Variants in ATRNL1 observed in about 807,000 individuals in gnomAD.
The protein encoded by ATRNL1 is attractin like 1, also known as attractin-like protein 1.
ATRNL1 carries 95 observed loss-of-function variants against 182.7 expected under a neutral mutation model. The ratio of observed to expected loss-of-function variants is 0.52; its 90% confidence interval spans 0.44 to 0.62. The LOEUF (loss-of-function observed/expected upper bound fraction) is 0.62, where lower values mean the gene tolerates loss of function less well. ATRNL1 is among the 20% of genes least tolerant of loss of function. The pLI is 0.00. For missense variants in ATRNL1, 1,471 were observed against 1,679.5 expected, an observed-to-expected ratio of 0.88 and a Z score of 2.17; for synonymous variants, 576 against 568.3, an observed-to-expected ratio of 1.01 and a Z score of -0.19.
At chr10:115,602,122 G>A (rs1856628621) in intron 26 of ATRNL1, among the ~76,000 whole-genome samples, 1 of 152,108 alleles carries the variant, frequency 6.6e-6, no homozygotes, top group Admixed American at 6.5e-5. Context: ...GGGAGCCTGA[G>A]GCAGGTGGCT....
chr10:115,522,676 GA>G (rs1204197524), intron 25 of ATRNL1, among the ~76,000 whole-genome samples: 3 of 152,206 alleles, frequency 2.0e-5, no homozygotes, highest in Non-Finnish European at 2.9e-5. Context: ...CATCAACTCA[GA>G]AGTCCAGAGT....
In ATRNL1 at chr10:115,211,718, C is replaced by T. The variant is rs572095203; in HGVS notation, c.1349-3979C>T. The stretch of plus-strand genomic sequence containing the variant: ...TGTTGGTGTGCTGTACCCATTAACT[C>T]GTCATTTAACATTAGTTATATCTCC... On this transcript the variant is annotated intron_variant, in intron 8 of 28. Coordinates refer to ENST00000355044, the MANE Select transcript of ATRNL1 (RefSeq NM_207303.4). Among the ~76,000 whole-genome samples the T allele has an allele frequency of 3.3e-5, 5 of 151,312 alleles. No individual in the cohort carries two copies. In the South Asian group the frequency reaches 6.3e-4, roughly 19 times the overall value.
At chr10:115,700,325 T>C (rs868919370) in intron 26 of ATRNL1, among the ~76,000 whole-genome samples, 3 of 152,178 alleles carry the variant, frequency 2.0e-5, no homozygotes, top group Non-Finnish European at 4.4e-5. Flanking sequence ...AGTGTTTCTT[T>C]TTCTCTGCAG....
chr10:115,376,017 T>C (rs555452784), intron 19 of ATRNL1, among the ~76,000 whole-genome samples: 1 of 152,270 alleles, frequency 6.6e-6, no homozygotes, highest in East Asian at 1.9e-4. Flanking sequence ...GTAAATCAGG[T>C]CAAGTGGTGG....
chr10:115,143,408 G>T (rs1554878523), intron 5 of ATRNL1, among the ~76,000 whole-genome samples: 1 of 147,822 alleles, frequency 6.8e-6, no homozygotes, highest in East Asian at 1.9e-4. Flanking sequence ...AATCTTTCTT[G>T]GGATTTTTTT....
At chr10:115,142,119 T>C (rs1276106434) in intron 5 of ATRNL1, among the ~76,000 whole-genome samples, 1 of 152,064 alleles carries the variant, frequency 6.6e-6, no homozygotes, top group African/African-American at 2.4e-5. Flanking sequence ...ATACATTATA[T>C]AGTATGTTAG....
chr10:115,672,092 A>T (rs1278302271), intron 26 of ATRNL1, among the ~76,000 whole-genome samples: 1 of 152,136 alleles, frequency 6.6e-6, no homozygotes, highest in Non-Finnish European at 1.5e-5. Context: ...CAAATAACAT[A>T]ATTGTATATA....
At chr10:115,727,680 C>T (rs1555060743) in intron 27 of ATRNL1, among the ~76,000 whole-genome samples, 1 of 152,136 alleles carries the variant, frequency 6.6e-6, no homozygotes, top group African/African-American at 2.4e-5. Flanking sequence ...CTTTGGAGTA[C>T]TCTGTGCACC....
In ATRNL1 at chr10:115,660,124, G is replaced by C. The variant is rs974268981; in HGVS notation, c.3796-67124G>C. 3.9e-5 allele frequency among the ~76,000 whole-genome samples: 6 copies of C among 152,234 alleles called. No individual in the cohort carries two copies. In the South Asian group the frequency reaches 6.2e-4, roughly 16 times the overall value. On this transcript the variant is annotated intron_variant, in intron 26 of 28. Coordinates refer to ENST00000355044, the MANE Select transcript of ATRNL1 (RefSeq NM_207303.4). ...GGAGACTGTATGTATGGTCATGATA[G>C]GGGGACGAACCAATGTATATTCACC...
intron 21 of ATRNL1, among the ~76,000 whole-genome samples, chr10:115,440,205 C>T (rs989697923): frequency 3.3e-5 from 5 of 151,808 alleles, no homozygotes; most frequent in Non-Finnish European, 2.9e-5. Context: ...CAAGATATTT[C>T]GGGCTTACCT....
intron 4 of ATRNL1, 45 bp downstream of exon 4, chr10:115,127,766 T>G: frequency 7.7e-7 from 1 of 1,294,306 alleles, no homozygotes; most frequent in Non-Finnish European, 1.0e-6. Context: ...TTCTTGTAAT[T>G]TAATGTAAAA....
At chr10:115,122,988 G>A (rs12267093) in intron 3 of ATRNL1, among the ~76,000 whole-genome samples, 1,988 of 151,962 alleles carry the variant, frequency 0.013, 41 homozygotes, top group African/African-American at 0.046. Context: ...TTATGATACC[G>A]TTGACTGACC....
intron 8 of ATRNL1, among the ~76,000 whole-genome samples, chr10:115,183,951 C>A (rs1417186658): frequency 1.3e-5 from 2 of 151,446 alleles, no homozygotes; most frequent in East Asian, 1.9e-4. Context: ...CCAACACATT[C>A]TTTTCTTAAT....
chr10:115,653,280 T>G (rs1381057895), intron 26 of ATRNL1, among the ~76,000 whole-genome samples: 1 of 152,216 alleles, frequency 6.6e-6, no homozygotes, highest in Non-Finnish European at 1.5e-5. Flanking sequence ...TGTACATTTA[T>G]TTTGGTCATG....
intron 28 of ATRNL1, 72 bp downstream of exon 28, chr10:115,848,063 C>A: frequency 1.2e-6 from 1 of 834,040 alleles, no homozygotes; most frequent in Non-Finnish European, 2.0e-6. Context: ...AACAATACCA[C>A]TAAATAGCGC....
At chr10:115,591,167 A>G (rs1358931999) in intron 26 of ATRNL1, among the ~76,000 whole-genome samples, 2 of 152,220 alleles carry the variant, frequency 1.3e-5, no homozygotes, top group Non-Finnish European at 2.9e-5. Flanking sequence ...AAAAATGCAC[A>G]CACACATAGT....
intron 8 of ATRNL1, among the ~76,000 whole-genome samples, chr10:115,205,824 T>C (rs1302940607): frequency 6.6e-6 from 1 of 152,052 alleles, no homozygotes; most frequent in Non-Finnish European, 1.5e-5. Context: ...CATAAGGCCA[T>C]GTAAATATTT....
chr10:115,777,010 G>A (rs1949144183), intron 27 of ATRNL1, among the ~76,000 whole-genome samples: 1 of 152,130 alleles, frequency 6.6e-6, no homozygotes, highest in African/African-American at 2.4e-5. Context: ...AGGTTTTAAG[G>A]ATGAAATGTA....
At chr10:115,124,593 T>TTC (rs1266098620) in intron 3 of ATRNL1, among the ~76,000 whole-genome samples, 3 of 152,126 alleles carry the variant, frequency 2.0e-5, no homozygotes, top group African/African-American at 7.2e-5. Flanking sequence ...TCCCATCCCC[T>TTC]TCTCTCTCGG....
Sources: gnomAD v4.1 joint callset for allele counts (sites outside exome capture counted in the v4.1 genomes callset) on GRCh38, gnomAD v4.1.1 for gene constraint, MANE v1.5 for transcripts, NCBI Gene and HGNC (gene_info 2026-07-23, HGNC 2026-07-21) for gene names.